The following PLCXD2 variants were observed in gnomAD, a reference collection of about 807,000 sequenced individuals.
PLCXD2 encodes phosphatidylinositol specific phospholipase C X domain containing 2, also known as PI-PLC X domain-containing protein 2.
A neutral mutation model predicts 28.6 loss-of-function variants in PLCXD2; 21 were observed. That is an observed-to-expected ratio of 0.73 (90% CI 0.52 to 1.06). PLCXD2 has a LOEUF of 1.06. Ranked by LOEUF, PLCXD2 falls within the 50% of genes least tolerant of loss-of-function variation. PLCXD2 has a pLI of 0.00. For synonymous variants in PLCXD2, 140 were observed against 150.1 expected (o/e 0.93, Z 0.49); for missense variants, 369 against 376.7 (o/e 0.98, Z 0.17).
chr3:111,676,530 G>A (rs1359694673), intron 1 of PLCXD2, among the ~76,000 whole-genome samples: 1 of 152,068 alleles, frequency 6.6e-6, no homozygotes, highest in Non-Finnish European at 1.5e-5. Flanking sequence ...TGTCTTCCAG[G>A]TTCATTGTCC....
chr3:111,719,641 G>T (rs560468080), intron 3 of PLCXD2, among the ~76,000 whole-genome samples: 1 of 152,138 alleles, frequency 6.6e-6, no homozygotes, highest in African/African-American at 2.4e-5. Context: ...GAAAACTCAC[G>T]TGAAATAATA....
chr3:111,707,078 G>C (rs551739019), intron 1 of PLCXD2, among the ~76,000 whole-genome samples: 1 of 152,188 alleles, frequency 6.6e-6, no homozygotes, highest in Non-Finnish European at 1.5e-5. Context: ...GACCAAACAG[G>C]CATAACAGAC....
At chr3:111,706,867 T>A (rs1941127190) in intron 1 of PLCXD2, among the ~76,000 whole-genome samples, 2 of 148,764 alleles carry the variant, frequency 1.3e-5, no homozygotes, top group African/African-American at 4.9e-5. Context: ...GATAAAGTGA[T>A]CAGTTCAGCA....
chr3:111,705,614 G>A (rs1288246907), intron 1 of PLCXD2, among the ~76,000 whole-genome samples: 1 of 151,654 alleles, frequency 6.6e-6, no homozygotes, highest in Non-Finnish European at 1.5e-5. Context: ...TGTACTACTT[G>A]ACATTTCCAA....
intron 1 of PLCXD2, among the ~76,000 whole-genome samples, chr3:111,707,337 C>G (rs985078599): frequency 2.0e-5 from 3 of 151,984 alleles, no homozygotes; most frequent in African/African-American, 7.2e-5. Context: ...AAAAAGAAAG[C>G]AAGTTTAGTT....
At chr3:111,690,515 C>T (rs1244267452) in intron 1 of PLCXD2, among the ~76,000 whole-genome samples, 1 of 152,216 alleles carries the variant, frequency 6.6e-6, no homozygotes, top group African/African-American at 2.4e-5. Context: ...TATTCTGCCT[C>T]TACACAGAAA....
At chr3:111,720,650 T>C in intron 3 of PLCXD2, 73 bp from the exon 4 acceptor site, 2 of 416,148 alleles carry the variant, frequency 4.8e-6, no homozygotes, top group Non-Finnish European at 8.8e-6. Context: ...AAATGTTTTA[T>C]GTCCATGTCT....
At chr3:111,726,608 A>G (rs1332930111) in intron 3 of PLCXD2, 1 of 152,214 alleles carries the variant, frequency 6.6e-6, no homozygotes, top group Non-Finnish European at 1.5e-5. Flanking sequence ...AAAATTTTGC[A>G]CATATGCTTC....
chr3:111,696,896 A>G (rs1280965511), intron 1 of PLCXD2, among the ~76,000 whole-genome samples: 1 of 152,188 alleles, frequency 6.6e-6, no homozygotes, highest in Non-Finnish European at 1.5e-5. Flanking sequence ...ATTATTATCT[A>G]TTAGAAGTTT....
chr3:111,691,911 A>T (rs1940883653), intron 1 of PLCXD2, among the ~76,000 whole-genome samples: 1 of 152,264 alleles, frequency 6.6e-6, no homozygotes, highest in Non-Finnish European at 1.5e-5. Context: ...CATTAGGTAC[A>T]TAATAAGCAC....
intron 1 of PLCXD2, among the ~76,000 whole-genome samples, chr3:111,697,798 A>C (rs2107852798): frequency 6.6e-6 from 1 of 152,222 alleles, no homozygotes; most frequent in East Asian, 1.9e-4. Flanking sequence ...GTTTAAGAAC[A>C]TCCTCAGAAT....
chr3:111,685,502 G>A (rs897453474), intron 1 of PLCXD2, among the ~76,000 whole-genome samples: 1 of 152,108 alleles, frequency 6.6e-6, no homozygotes, highest in Non-Finnish European at 1.5e-5. Context: ...GACATCTCAG[G>A]TTGCACCAAT....
chr3:111,720,560 C>G (rs1941332974), intron 3 of PLCXD2, among the ~76,000 whole-genome samples, 163 bp from the exon 4 acceptor site: 1 of 152,170 alleles, frequency 6.6e-6, no homozygotes, highest in African/African-American at 2.4e-5. Context: ...CTACTTCATC[C>G]CTGAAGGAGA....
intron 1 of PLCXD2, among the ~76,000 whole-genome samples, chr3:111,677,603 G>T (rs961361161): frequency 2.6e-5 from 4 of 152,152 alleles, no homozygotes; most frequent in Admixed American, 1.3e-4. Flanking sequence ...GAAAATTATT[G>T]TTCAAAGAGG....
chr3:111,698,825 C>A (rs1347229676), intron 1 of PLCXD2, among the ~76,000 whole-genome samples: 1 of 152,188 alleles, frequency 6.6e-6, no homozygotes, highest in Non-Finnish European at 1.5e-5. Flanking sequence ...TAATCACTCC[C>A]TGAAGGAGTC....
At chr3:111,678,176 C>T (rs1940653261) in intron 1 of PLCXD2, among the ~76,000 whole-genome samples, 2 of 152,222 alleles carry the variant, frequency 1.3e-5, no homozygotes, top group Admixed American at 6.5e-5. Flanking sequence ...TGGGAGAGAA[C>T]ATGTGTGAAT....
At chr3:111,685,683 T>C (rs914244979) in intron 1 of PLCXD2, among the ~76,000 whole-genome samples, 5 of 152,224 alleles carry the variant, frequency 3.3e-5, no homozygotes, top group Admixed American at 2.6e-4. Context: ...TGAGAAGGCT[T>C]ATTAGGGAAT....
intron 2 of PLCXD2, among the ~76,000 whole-genome samples, chr3:111,709,446 C>T (rs1941169186): frequency 4.1e-5 from 6 of 145,518 alleles, no homozygotes; most frequent in Admixed American, 3.4e-4. Flanking sequence ...TATATTCTCT[C>T]TCCATATATG....
At chr3:111,719,310 T>C (rs1941314759) in intron 3 of PLCXD2, among the ~76,000 whole-genome samples, 1 of 152,170 alleles carries the variant, frequency 6.6e-6, no homozygotes, top group African/African-American at 2.4e-5. Context: ...ACAGACAAGC[T>C]ATAGGCTAGG....
Sources: gnomAD v4.1 joint callset for allele counts (sites outside exome capture counted in the v4.1 genomes callset) on GRCh38, gnomAD v4.1.1 for gene constraint, MANE v1.5 for transcripts, NCBI Gene and HGNC (gene_info 2026-07-23, HGNC 2026-07-21) for gene names.